Variants in RIMKLB observed in about 807,000 individuals in gnomAD.
The protein encoded by RIMKLB is ribosomal modification protein rimK like family member B, also known as beta-citrylglutamate synthase B.
A neutral mutation model predicts 32.0 loss-of-function variants in RIMKLB; 7 were observed. The observed-to-expected ratio is 0.22, with a 90% confidence interval of 0.12 to 0.41. The LOEUF is 0.41. Among genes scored for constraint, RIMKLB ranks in the 10% least tolerant of loss-of-function variants. The pLI is 1.00. For missense variants in RIMKLB, 289 were observed against 498.7 expected, an observed-to-expected ratio of 0.58 and a Z score of 4.00; for synonymous variants, 172 against 185.1, an observed-to-expected ratio of 0.93 and a Z score of 0.57.
At chr12:8,777,215 CTTTT>C (rs35828763), downstream of RIMKLB, 410 of 703,348 alleles carry the variant, frequency 5.8e-4, no homozygotes, top group African/African-American at 5.4e-3. Flanking sequence ...TGCTTGCTTT[CTTTT>C]TTTTTTTTTT....
Position 8,698,054 on chromosome 12 carries a change from G to A in RIMKLB, c.-300G>A. ...GAGTGTGTGGGAGTGAGAGTGTGTGGGAGTGGGGTGAGGGAGAAGCTGACG... is the reference window on the plus strand; with the variant it reads ...GAGTGTGTGGGAGTGAGAGTGTGTGAGAGTGGGGTGAGGGAGAAGCTGACG... On this transcript the variant is annotated 5_prime_UTR_variant, in exon 1 of 6. Transcript: ENST00000535829. The A allele has an allele frequency of 3.9e-6, 1 of 255,714 alleles. No homozygotes were observed. The highest frequency in any genetic ancestry group is 8.0e-6 in the Non-Finnish European group (1 of 124,804). The allele number at this position is 255,714 out of a possible 1,614,324, so 15.8% of individuals were successfully genotyped here.
intron 5 of RIMKLB, among the ~76,000 whole-genome samples, chr12:8,769,873 AATTTT>A (rs1950267104): frequency 6.6e-6 from 1 of 152,200 alleles, no homozygotes. Flanking sequence ...ATATTAGAAC[AATTTT>A]ATTTCCTTCC....
chr12:8,701,551 A>G (rs931145257), intron 1 of RIMKLB, among the ~76,000 whole-genome samples: 19 of 151,138 alleles, frequency 1.3e-4, no homozygotes, highest in Admixed American at 1.3e-3. Context: ...TCTTTCTGAA[A>G]TTATGTTTTT....
At chr12:8,715,228 C>CCTTTTTTTTTTTTTTTTTTTTTT (rs1445737752) in intron 2 of RIMKLB, among the ~76,000 whole-genome samples, 8 of 123,762 alleles carry the variant, frequency 6.5e-5, no homozygotes, top group African/African-American at 2.3e-4. Context: ...TGCTCTTGTT[C>CCTTTTTTTTTTTTTTTTTTTTTT]TTTTTTTTTT....
intron 2 of RIMKLB, 123 bp downstream of exon 2, chr12:8,714,164 T>C: frequency 1.4e-6 from 1 of 700,330 alleles, no homozygotes; most frequent in Non-Finnish European, 2.4e-6. Flanking sequence ...CTTCTAATTA[T>C]AAGGTCTAAT....
intron 2 of RIMKLB, among the ~76,000 whole-genome samples, chr12:8,718,669 A>ATGTGTG (rs1182850325): frequency 1.7e-3 from 201 of 116,184 alleles, no homozygotes; most frequent in South Asian, 0.011. Context: ...ATATATATAT[A>ATGTGTG]TGTGTGTGTG....
intron 1 of RIMKLB, chr12:8,700,280 T>G (rs1245785989): frequency 6.6e-6 from 1 of 152,234 alleles, no homozygotes; most frequent in Non-Finnish European, 1.5e-5. Flanking sequence ...TTGTGGCACA[T>G]GGAGAAACAT....
At chr12:8,708,494 A>G (rs1267888009) in intron 1 of RIMKLB, among the ~76,000 whole-genome samples, 2 of 152,154 alleles carry the variant, frequency 1.3e-5, no homozygotes, top group Non-Finnish European at 2.9e-5. Flanking sequence ...TTTGTAATGT[A>G]TTTTGAGATT....
Position 8,774,547 on chromosome 12 carries a change from T to C in RIMKLB, c.*763T>C. 2 of 984,156 alleles carry C rather than the reference T, an allele frequency of 2.0e-6. No homozygotes were observed. Among genetic ancestry groups the C allele is most frequent in the South Asian group, 9.4e-5 (2 of 21,266 alleles). The allele number at this position is 984,156 out of a possible 1,614,324, so 61.0% of individuals were successfully genotyped here. On this transcript the variant is annotated 3_prime_UTR_variant, in exon 6 of 6. Transcript: ENST00000535829. ...TATTTGTTAGTGTTTTAGTCTTTTT[T>C]GAAAGATGTGCTCTGTTAATGTTGC...
At chr12:8,688,897 C>CGA (rs1942656659) in intron 1 of RIMKLB, among the ~76,000 whole-genome samples, 1 of 151,870 alleles carries the variant, frequency 6.6e-6, no homozygotes, top group Non-Finnish European at 1.5e-5. Context: ...TGCAGTGGCA[C>CGA]GATCTCGGCT....
chr12:8,777,390 T>G (rs921851498), downstream of RIMKLB: 2 of 985,018 alleles, frequency 2.0e-6, no homozygotes, highest in African/African-American at 3.5e-5. Context: ...TAGTTTTGTT[T>G]TGGATTTTTG....
At chr12:8,781,578 C>G (rs748822974), downstream of RIMKLB, among the ~76,000 whole-genome samples, 2 of 152,172 alleles carry the variant, frequency 1.3e-5, no homozygotes, top group African/African-American at 2.4e-5. Context: ...CCCTGTTCCT[C>G]TATCTCTCCC....
the RIMKLB span, among the ~76,000 whole-genome samples, chr12:8,673,832 G>A: frequency 6.6e-6 from 1 of 151,974 alleles, no homozygotes; most frequent in Admixed American, 6.6e-5. Flanking sequence ...CCTGACCTCA[G>A]GTGATCCGCC....
Position 8,775,345 on chromosome 12 carries a change from C to T in RIMKLB, c.*1561C>T. 1 of 985,266 alleles carries T rather than the reference C, an allele frequency of 1.0e-6. No homozygotes were observed. Among genetic ancestry groups the T allele is most frequent in the Non-Finnish European group, 1.2e-6 (1 of 829,840 alleles). 61.0% of individuals were successfully genotyped at this position (985,266 alleles called of 1,614,324 possible). A position where few individuals can be genotyped will look rare whatever the true frequency, so the allele number is the denominator to read the frequency against. ...TTTACTTGCAGAATTTATAAAAGCCCCCAAACTGCATATAATATGAGCCTT... is the reference window on the plus strand; with the variant it reads ...TTTACTTGCAGAATTTATAAAAGCCTCCAAACTGCATATAATATGAGCCTT... On this transcript the variant is annotated 3_prime_UTR_variant, in exon 6 of 6. Coordinates refer to ENST00000535829, the MANE Select transcript of RIMKLB (RefSeq NM_001297776.2).
intron 2 of RIMKLB, among the ~76,000 whole-genome samples, chr12:8,749,554 G>T (rs1175485762): frequency 1.3e-5 from 2 of 152,070 alleles, no homozygotes; most frequent in Non-Finnish European, 2.9e-5. Flanking sequence ...CTTTTTCTCA[G>T]ATTTGCCCTT....
Position 8,775,609 on chromosome 12 carries a change from A to T in RIMKLB, c.*1825A>T. ...TTCGAGGCAATAATAAAAGATCAGT[A>T]TTAACCAGCTATAACAGAGGTTTGA... is the stretch of plus-strand genomic sequence containing the variant. On this transcript the variant is annotated 3_prime_UTR_variant, in exon 6 of 6. Transcript: ENST00000535829. 1.0e-6 allele frequency: 1 copy of T among 985,782 alleles called. No homozygotes were observed. The highest frequency in any genetic ancestry group is 1.2e-6 in the Non-Finnish European group (1 of 829,840). The allele number at this position is 985,782 out of a possible 1,614,324, so 61.1% of individuals were successfully genotyped here. A position where few individuals can be genotyped will look rare whatever the true frequency, so the allele number is the denominator to read the frequency against.
At chr12:8,779,735 GAATA>G (rs926726283), downstream of RIMKLB, 1 of 152,072 alleles carries the variant, frequency 6.6e-6, no homozygotes, top group African/African-American at 2.4e-5. Flanking sequence ...AGCTAATGTA[GAATA>G]AATTTGAAAC....
chr12:8,685,072 C>A (rs940614361), intron 1 of RIMKLB, among the ~76,000 whole-genome samples: 15 of 152,156 alleles, frequency 9.9e-5, no homozygotes, highest in Admixed American at 2.6e-4. Flanking sequence ...TTTATATAGG[C>A]AATCATGTCA....
intron 2 of RIMKLB, among the ~76,000 whole-genome samples, chr12:8,744,363 A>G (rs185328894): frequency 1.3e-4 from 20 of 151,930 alleles, no homozygotes; most frequent in Non-Finnish European, 2.2e-4. Flanking sequence ...GAGCACTCCC[A>G]TTTTCCGGTG....
Sources: gnomAD v4.1 joint callset for allele counts (sites outside exome capture counted in the v4.1 genomes callset) on GRCh38, gnomAD v4.1.1 for gene constraint, MANE v1.5 for transcripts, NCBI Gene and HGNC (gene_info 2026-07-23, HGNC 2026-07-21) for gene names.